ANKRD46: variants seen among roughly 807,000 people sequenced by gnomAD.
ANKRD46 encodes the protein ankyrin repeat domain-containing protein 46.
A neutral mutation model predicts 19.8 loss-of-function variants in ANKRD46; 13 were observed. That is an observed-to-expected ratio of 0.66 (90% CI 0.43 to 1.04). The LOEUF (loss-of-function observed/expected upper bound fraction) is 1.04. Ranked by LOEUF, ANKRD46 falls within the 50% of genes least tolerant of loss-of-function variation. The pLI is 0.00. For missense variants in ANKRD46, 185 were observed against 274.8 expected (o/e 0.67, Z 2.31); for synonymous variants, 91 against 106.9 (o/e 0.85, Z 0.92).
At chr8:100,555,517 A>G (rs1462756256) in intron 1 of ANKRD46, among the ~76,000 whole-genome samples, 3 of 151,446 alleles carry the variant, frequency 2.0e-5, no homozygotes, top group Non-Finnish European at 2.9e-5. Flanking sequence ...TAAAAACACA[A>G]TAGAAATTTA....
chr8:100,509,785 A>G (rs952301270), exon 6 of ANKRD46: 3 of 152,266 alleles, frequency 2.0e-5, no homozygotes, highest in Non-Finnish European at 2.9e-5. Context: ...CAGCTCAGAG[A>G]TGCAGGTCAA....
At chr8:100,516,436 C>G (rs893432706), downstream of ANKRD46, among the ~76,000 whole-genome samples, 1 of 152,088 alleles carries the variant, frequency 6.6e-6, no homozygotes, top group Non-Finnish European at 1.5e-5. Flanking sequence ...CTGTTATGTT[C>G]CAGAAATCAA....
At chr8:100,513,476 T>C (rs1390990763) in intron 5 of ANKRD46, among the ~76,000 whole-genome samples, 1 of 152,222 alleles carries the variant, frequency 6.6e-6, no homozygotes, top group African/African-American at 2.4e-5. Context: ...TTATTTGTTT[T>C]AAACATGAAA....
In ANKRD46 at chr8:100,529,433, G is replaced by A; in HGVS notation, c.311+90C>T. The A allele has an allele frequency of 7.5e-7, 1 of 1,341,582 alleles. No individual in the cohort carries two copies. The highest frequency in any genetic ancestry group is 2.2e-5 in the Admixed American group (1 of 45,380). 83.1% of individuals were successfully genotyped at this position (1,341,582 alleles called of 1,614,324 possible). On this transcript the variant is annotated intron_variant, in intron 3 of 4. Transcript: ENST00000335659. The surrounding 1 kb of genome is among the most constrained non-coding windows in gnomAD (Gnocchi z 5.8). The stretch of plus-strand genomic sequence containing the variant: ...GAACTTATTTCAACTGATTAATGAG[G>A]AAACAAAACCAACAGACCCAAGATA...
rs549937576 is a variant in ANKRD46 at position 100,525,520 on chromosome 8, T to G, written c.470+2325A>C. ...GAATCATGTAATATGTGGCCTTTTG[T>G]GCCTGGCTTCTCCAATGTAGCATGT... On this transcript the variant is annotated intron_variant, in intron 4 of 4. Transcript: ENST00000335659. The surrounding 1 kb of genome is among the most constrained non-coding windows in gnomAD (Gnocchi z 4.4). Among the ~76,000 whole-genome samples the G allele has an allele frequency of 1.3e-5, 2 of 152,230 alleles. No homozygotes were observed. Among genetic ancestry groups the G allele is most frequent in the Non-Finnish European group, 2.9e-5 (2 of 68,038 alleles).
intron 2 of ANKRD46, among the ~76,000 whole-genome samples, chr8:100,530,495 T>C (rs754220579): frequency 6.6e-6 from 1 of 152,072 alleles, no homozygotes; most frequent in Non-Finnish European, 1.5e-5. Flanking sequence ...GCGATTCTCC[T>C]GCCTCAGCCT....
At chr8:100,555,476 G>A (rs1242523004) in intron 1 of ANKRD46, among the ~76,000 whole-genome samples, 2 of 149,604 alleles carry the variant, frequency 1.3e-5, no homozygotes, top group Non-Finnish European at 3.0e-5. Flanking sequence ...AAAGAGGACT[G>A]GGACTAAAAA....
intron 3 of ANKRD46, among the ~76,000 whole-genome samples, chr8:100,528,437 G>A (rs1811887203): frequency 6.6e-6 from 1 of 152,008 alleles, no homozygotes; most frequent in East Asian, 1.9e-4. Context: ...AAAAGGATGG[G>A]TCCAGTTTAA....
Position 100,550,439 on chromosome 8 carries a change from T to C in ANKRD46, c.-131+9272A>G, listed in dbSNP as rs1441999867. On this transcript the variant is annotated intron_variant, in intron 1 of 4. Coordinates refer to ENST00000335659, the MANE Select transcript of ANKRD46 (RefSeq NM_001270377.2). The surrounding 1 kb of genome is among the most constrained non-coding windows in gnomAD (Gnocchi z 4.4). ...TATGACGTGGAGCATCTTTTTCATA[T>C]GTTTATTTGCCATCTGTATATCCTC... The C allele has an allele frequency of 2.0e-5, 3 of 152,394 alleles. No individual in the cohort carries two copies. Among genetic ancestry groups the C allele is most frequent in the Admixed American group, 6.5e-5 (1 of 15,288 alleles). The allele number at this position is 152,394 out of a possible 1,614,324, so 9.4% of individuals were successfully genotyped here.
At position 100,531,363 on chromosome 8, in the gene ANKRD46, T is replaced by C. The variant is rs78655928; in HGVS notation, c.-27-1503A>G. 1.1e-4 allele frequency among the ~76,000 whole-genome samples: 16 copies of C among 152,216 alleles called. No homozygotes were observed. The East Asian group carries it at 2.9e-3, about 28-fold the overall frequency. The stretch of plus-strand genomic sequence containing the variant: ...ATTCTTGTGCCTAACCTCAAGGGGA[T>C]TCAGGGAAGCCTGGCTGCTGAGTTT... On this transcript the variant is annotated intron_variant, in intron 2 of 4. Coordinates refer to ENST00000335659, the MANE Select transcript of ANKRD46 (RefSeq NM_001270377.2).
intron 1 of ANKRD46, among the ~76,000 whole-genome samples, chr8:100,540,468 A>G (rs1401174535): frequency 6.6e-6 from 1 of 152,220 alleles, no homozygotes; most frequent in Non-Finnish European, 1.5e-5. Flanking sequence ...AAAGTATGGG[A>G]AAATAACAAT....
At position 100,550,715 on chromosome 8, in the gene ANKRD46, C is replaced by G; in HGVS notation, c.-131+8996G>C. ...TTGTGCTCTCACTGGGGCTGGTTGT[C>G]GAGCAGTCTTACTCCTTGGAGGCCA... is the stretch of plus-strand genomic sequence containing the variant. On this transcript the variant is annotated intron_variant, in intron 1 of 4. Transcript: ENST00000335659. The surrounding 1 kb of genome is among the most constrained non-coding windows in gnomAD (Gnocchi z 4.4). 2.9e-6 allele frequency: 1 copy of G among 345,536 alleles called. No individual in the cohort carries two copies. Among genetic ancestry groups the G allele is most frequent in the Non-Finnish European group, 5.6e-6 (1 of 177,590 alleles). 21.4% of individuals were successfully genotyped at this position (345,536 alleles called of 1,614,324 possible). A position where few individuals can be genotyped will look rare whatever the true frequency, so the allele number is the denominator to read the frequency against.
At chr8:100,518,223 G>T (rs1811664766), downstream of ANKRD46, among the ~76,000 whole-genome samples, 1 of 152,020 alleles carries the variant, frequency 6.6e-6, no homozygotes, top group Non-Finnish European at 1.5e-5. Context: ...CTATAGAATG[G>T]CTCCCAGATA....
chr8:100,542,939 G>A (rs1425220292), intron 1 of ANKRD46, among the ~76,000 whole-genome samples: 2 of 152,034 alleles, frequency 1.3e-5, no homozygotes, highest in Non-Finnish European at 2.9e-5. Context: ...CTGAGCCCTG[G>A]CCTCTACACA....
intron 2 of ANKRD46, among the ~76,000 whole-genome samples, chr8:100,531,159 C>T (rs771980890): frequency 1.4e-4 from 21 of 152,158 alleles, no homozygotes; most frequent in South Asian, 4.2e-4. Context: ...AGAAACTTCG[C>T]TAGGAAATTG....
Position 100,537,429 on chromosome 8 carries a change from TC to T in ANKRD46, c.-130-4119del, listed in dbSNP as rs1229740631. Among the ~76,000 whole-genome samples the T allele has an allele frequency of 2.6e-5, 4 of 152,228 alleles. No individual in the cohort carries two copies. The highest frequency in any genetic ancestry group is 9.6e-5 in the African/African-American group (4 of 41,458). The stretch of plus-strand genomic sequence containing the variant: ...TCAGATCTTATTGCCTTTGCCATTT[TC>T]TAATGTCAAAGAAAAGTACTAAAAC... On this transcript the variant is annotated intron_variant, in intron 1 of 4. Transcript: ENST00000335659. This position sits in a 1 kb window ranked among gnomAD's most constrained non-coding sequence, Gnocchi z 4.2.
At chr8:100,528,782 A>AT (rs1212511166) in intron 3 of ANKRD46, among the ~76,000 whole-genome samples, 2 of 152,150 alleles carry the variant, frequency 1.3e-5, no homozygotes, top group Non-Finnish European at 2.9e-5. Flanking sequence ...AAACAAAAGC[A>AT]TTTACTGTCT....
At position 100,532,271 on chromosome 8, in the gene ANKRD46, A is replaced by G. The variant is rs886680807; in HGVS notation, c.-28+938T>C. On this transcript the variant is annotated intron_variant, in intron 2 of 4. Coordinates refer to ENST00000335659, the MANE Select transcript of ANKRD46 (RefSeq NM_001270377.2). The surrounding 1 kb of genome is among the most constrained non-coding windows in gnomAD (Gnocchi z 4.7). ...GCTTGAAGCCCAGGAGTTCGAAACTAGCCTGGGCAACATAGCGAGAGACCC... is the reference window on the plus strand; with the variant it reads ...GCTTGAAGCCCAGGAGTTCGAAACTGGCCTGGGCAACATAGCGAGAGACCC... 35 of 152,202 alleles carry G rather than the reference A, an allele frequency of 2.3e-4. No individual in the cohort carries two copies. Among genetic ancestry groups the G allele is most frequent in the African/African-American group, 7.0e-4 (29 of 41,438 alleles). The allele number at this position is 152,202 out of a possible 1,614,324, so 9.4% of individuals were successfully genotyped here.
Position 100,511,425 on chromosome 8 carries a change from T to C in ANKRD46, c.637-786A>G, listed in dbSNP as rs1422738635. ...CTTATGTATCTGGTAAATGGTGAGG[T>C]AGACACCAAGTTGTGTGTGTGTGTG... On this transcript the variant is annotated intron_variant, in intron 5 of 5. Coordinates refer to the ANKRD46 transcript ENST00000520552. This position sits in a 1 kb window ranked among gnomAD's most constrained non-coding sequence, Gnocchi z 4.1. Among the ~76,000 whole-genome samples, 1 of 151,550 alleles carries C rather than the reference T, an allele frequency of 6.6e-6. No homozygotes were observed. Among genetic ancestry groups the C allele is most frequent in the Non-Finnish European group, 1.5e-5 (1 of 68,008 alleles).
Sources: gnomAD v4.1 joint callset for allele counts (sites outside exome capture counted in the v4.1 genomes callset) on GRCh38, gnomAD v4.1.1 for gene constraint, Gnocchi (gnomAD v3.1) non-coding constraint, MANE v1.5 for transcripts, NCBI Gene and HGNC (gene_info 2026-07-23, HGNC 2026-07-21) for gene names.